MPP7: variants seen among roughly 807,000 people sequenced by gnomAD.
The protein encoded by MPP7 is MAGUK p55 subfamily member 7.
In MPP7, 60 loss-of-function variants were observed where a neutral mutation model predicts 76.5. That is an observed-to-expected ratio of 0.78 (90% CI 0.64 to 0.97). The LOEUF (loss-of-function observed/expected upper bound fraction) is 0.97. MPP7 is among the 50% of genes least tolerant of loss of function. MPP7 has a pLI of 0.00. For synonymous variants in MPP7, 237 were observed against 244.5 expected (o/e 0.97, Z 0.29); for missense variants, 641 against 694.0 (o/e 0.92, Z 0.86).
At chr10:28,223,711 T>C (rs1165429199) in intron 2 of MPP7, among the ~76,000 whole-genome samples, 1 of 152,038 alleles carries the variant, frequency 6.6e-6, no homozygotes, top group Non-Finnish European at 1.5e-5. Context: ...AGGCTCCCAA[T>C]CTTCTGAGTA....
intron 10 of MPP7, 75 bp from the exon 11 acceptor site, chr10:28,119,790 G>A: frequency 8.3e-7 from 1 of 1,201,880 alleles, no homozygotes; most frequent in Non-Finnish European, 1.2e-6. Flanking sequence ...AAAATATTTA[G>A]TCTTAAGAAA....
At chr10:28,077,817 A>T (rs1162541069) in intron 12 of MPP7, among the ~76,000 whole-genome samples, 1 of 152,234 alleles carries the variant, frequency 6.6e-6, no homozygotes, top group Non-Finnish European at 1.5e-5. Flanking sequence ...GAAGAAGAGA[A>T]CAGAATCTAA....
rs564235134 is a variant in MPP7, at chr10:28,316,185, C to T, written c.-132+13744G>A. On this transcript the variant is annotated intron_variant, in intron 2 of 11. Transcript: ENST00000441595. Reference sequence around the variant, plus strand: ...GACATGGTGGCTCACGCCTGTAATCCGAGGACTTTGGGAGGACGAGGCAGG... The same window carrying T: ...GACATGGTGGCTCACGCCTGTAATCTGAGGACTTTGGGAGGACGAGGCAGG... Among the ~76,000 whole-genome samples, 82 of 152,036 alleles carry T rather than the reference C, an allele frequency of 5.4e-4. 1 individual carries two copies. The highest frequency in any genetic ancestry group is 4.6e-3 in the South Asian group (22 of 4,822).
chr10:28,053,997 C>A lies in MPP7; in HGVS notation c.*68G>T. 2 of 1,216,328 alleles carry A rather than the reference C, an allele frequency of 1.6e-6. No individual in the cohort carries two copies. The highest frequency in any genetic ancestry group is 2.4e-6 in the Non-Finnish European group (2 of 838,244). 75.3% of individuals were successfully genotyped at this position (1,216,328 alleles called of 1,614,324 possible). On this transcript the variant is annotated 3_prime_UTR_variant, in exon 17 of 17. Transcript: ENST00000683449. Reference sequence around the variant, plus strand: ...CAGTGATATAGATTTAAAAACCCTACTACCAAAACTGTAATTGATTTCATC... The same window carrying A: ...CAGTGATATAGATTTAAAAACCCTAATACCAAAACTGTAATTGATTTCATC...
chr10:28,333,642 A>G (rs780474027), intron 1 of MPP7, among the ~76,000 whole-genome samples: 2 of 152,260 alleles, frequency 1.3e-5, no homozygotes, highest in Non-Finnish European at 2.9e-5. Flanking sequence ...CAAATTTGGC[A>G]GCACAGATAA....
chr10:28,120,656 C>T lies in MPP7; in HGVS notation c.628G>A (p.Gly210Arg), dbSNP rs781190380. The change falls in exon 9 of 17, where the codon GGA (glycine) becomes AGA (arginine). Residue 210 changes from glycine to arginine, a missense_variant. Coordinates refer to ENST00000683449, the MANE Select transcript of MPP7 (RefSeq NM_001318170.2). ...EIIQILAQSQGAITFKIIPGS... is the reference protein window; with the variant it reads ...EIIQILAQSQRAITFKIIPGS... ...GGTATAATCTTAAATGTAATTGCTCCCTGAGACTGAGCCTGGTAACAGATA... is the reference window on the plus strand; with the variant it reads ...GGTATAATCTTAAATGTAATTGCTCTCTGAGACTGAGCCTGGTAACAGATA... 1.2e-6 allele frequency: 2 copies of T among 1,613,254 alleles called. No individual in the cohort carries two copies. Among genetic ancestry groups the T allele is most frequent in the African/African-American group, 1.3e-5 (1 of 74,836 alleles).
intron 11 of MPP7, among the ~76,000 whole-genome samples, chr10:28,113,802 A>T (rs1834577952): frequency 2.0e-5 from 3 of 151,164 alleles, no homozygotes; most frequent in Admixed American, 2.0e-4. Context: ...CTGAGTTTTT[A>T]ATTCAATGCT....
At chr10:28,113,153 G>A (rs1335345216) in intron 11 of MPP7, among the ~76,000 whole-genome samples, 8 of 152,062 alleles carry the variant, frequency 5.3e-5, no homozygotes, top group African/African-American at 1.7e-4. Flanking sequence ...ATAACTCCAC[G>A]GAACTCATGC....
intron 2 of MPP7, among the ~76,000 whole-genome samples, chr10:28,325,320 G>C (rs1470282195): frequency 6.6e-6 from 1 of 152,060 alleles, no homozygotes; most frequent in Non-Finnish European, 1.5e-5. Flanking sequence ...TGTAATAGCA[G>C]ATATCTAGGG....
intron 5 of MPP7, among the ~76,000 whole-genome samples, chr10:28,133,137 G>A (rs1414444268): frequency 1.3e-5 from 2 of 152,154 alleles, no homozygotes; most frequent in Non-Finnish European, 2.9e-5. Context: ...GATTATGGAT[G>A]CCATCATTTT....
chr10:28,076,884 T>C (rs1358023939), intron 12 of MPP7, among the ~76,000 whole-genome samples: 1 of 137,670 alleles, frequency 7.3e-6, no homozygotes, highest in Non-Finnish European at 1.5e-5. Context: ...TAAGACTCCG[T>C]CTGAAAAAAA....
chr10:28,058,572 AGTTG>A lies in MPP7; in HGVS notation c.1326_1329del (p.Asn443ThrfsTer6). On this transcript the variant is annotated frameshift_variant, in exon 15 of 17. Transcript: ENST00000683449. LOFTEE classifies it high-confidence loss of function. ...ACTGAGTCTATACTTGTGCCGTAGT[AGTTG>A]TTTTTATATTCTCCATATTCAATAA... 6.2e-7 allele frequency: 1 copy of A among 1,600,624 alleles called. No individual in the cohort carries two copies.
intron 3 of MPP7, among the ~76,000 whole-genome samples, chr10:28,164,627 A>G (rs953293526): frequency 6.6e-6 from 1 of 151,702 alleles, no homozygotes; most frequent in African/African-American, 2.4e-5. Context: ...GGCCACGTGC[A>G]GCCCAACACA....
At chr10:28,100,615 T>C (rs1853778467) in intron 11 of MPP7, among the ~76,000 whole-genome samples, 1 of 152,170 alleles carries the variant, frequency 6.6e-6, no homozygotes, top group African/African-American at 2.4e-5. Context: ...TCAAACATAC[T>C]ATTAGAAAAT....
intron 5 of MPP7, among the ~76,000 whole-genome samples, chr10:28,136,321 G>A (rs1344200119): frequency 6.6e-5 from 10 of 151,992 alleles, no homozygotes. Context: ...CCATGAAGCC[G>A]ATCACTGGTG....
intron 2 of MPP7, among the ~76,000 whole-genome samples, chr10:28,312,806 C>T (rs987652324): frequency 2.4e-4 from 36 of 152,188 alleles, no homozygotes; most frequent in African/African-American, 8.7e-4. Context: ...CTTATGTTAT[C>T]CTAGAAACTA....
chr10:28,135,113 T>C (rs1299000136), intron 5 of MPP7, among the ~76,000 whole-genome samples: 10 of 152,166 alleles, frequency 6.6e-5, no homozygotes, highest in Admixed American at 5.9e-4. Context: ...TGTGAGCCTA[T>C]GACTGCCCCA....
chr10:28,104,052 A>G (rs2133529720), intron 11 of MPP7, among the ~76,000 whole-genome samples: 1 of 152,342 alleles, frequency 6.6e-6, no homozygotes, highest in East Asian at 1.9e-4. Context: ...ATAATTTTAA[A>G]TTATTTTAAG....
rs991886789 is a variant in MPP7, at chr10:28,053,253, G to A, written c.*812C>T. On this transcript the variant is annotated 3_prime_UTR_variant, in exon 17 of 17. Transcript: ENST00000683449. ...AAAACCAGCTAAAATAACATTTTGG[G>A]TGACTTCATAAATTGTCTTCTGAGG... The A allele has an allele frequency of 6.6e-6, 1 of 152,026 alleles. No homozygotes were observed. The highest frequency in any genetic ancestry group is 2.1e-4 in the South Asian group (1 of 4,822). 9.4% of individuals were successfully genotyped at this position (152,026 alleles called of 1,614,324 possible).
Sources: allele counts gnomAD v4.1 joint callset (sites outside exome capture counted in the v4.1 genomes callset), GRCh38; gene constraint gnomAD v4.1.1; transcripts MANE v1.5; gene names NCBI Gene and HGNC (gene_info 2026-07-23, HGNC 2026-07-21).